Variants in RGS8 observed in about 807,000 individuals in gnomAD.
RGS8 encodes the protein regulator of G-protein signaling 8.
In RGS8, 8 loss-of-function variants were observed where a neutral mutation model predicts 21.7. That is an observed-to-expected ratio of 0.37 (90% confidence interval 0.22 to 0.66). The LOEUF (loss-of-function observed/expected upper bound fraction) is 0.66, where lower values mean the gene tolerates loss of function less well. RGS8 is among the 30% of genes least tolerant of loss of function. The pLI is 0.59. For missense variants in RGS8, 157 were observed against 217.9 expected (o/e 0.72, Z 1.76); for synonymous variants, 80 against 83.6 (o/e 0.96, Z 0.24).
At chr1:182,713,804 G>A in the RGS8 span, among the ~76,000 whole-genome samples, 1 of 152,144 alleles carries the variant, frequency 6.6e-6, no homozygotes, top group Non-Finnish European at 1.5e-5. Flanking sequence ...CCCCATCATT[G>A]CCTGTTTGAA....
intron 4 of RGS8, among the ~76,000 whole-genome samples, chr1:182,666,611 G>A (rs1255882900): frequency 6.6e-6 from 1 of 151,012 alleles, no homozygotes; most frequent in Non-Finnish European, 1.5e-5. Context: ...AGTATCCTTT[G>A]CCACCCACAG....
chr1:182,694,736 A>C, the RGS8 span, among the ~76,000 whole-genome samples: 1 of 151,732 alleles, frequency 6.6e-6, no homozygotes, highest in Non-Finnish European at 1.5e-5. Context: ...TGAACCCAGG[A>C]GACAGAGGTT....
chr1:182,714,655 G>A, the RGS8 span: 1 of 152,210 alleles, frequency 6.6e-6, no homozygotes, highest in African/African-American at 2.4e-5. Context: ...TGAGAAAAAT[G>A]GAATGAGTGA....
upstream of RGS8, among the ~76,000 whole-genome samples, chr1:182,676,442 T>A (rs1664360448): frequency 1.3e-5 from 2 of 152,182 alleles, no homozygotes; most frequent in Admixed American, 6.5e-5. Context: ...AGCTTCCTAG[T>A]AACAGTAGAA....
At chr1:182,694,280 T>G in the RGS8 span, among the ~76,000 whole-genome samples, 1 of 152,206 alleles carries the variant, frequency 6.6e-6, no homozygotes, top group Non-Finnish European at 1.5e-5. Context: ...AATACAGCTT[T>G]GCAAGCTAAC....
chr1:182,727,889 A>G, the RGS8 span, among the ~76,000 whole-genome samples: 32 of 152,340 alleles, frequency 2.1e-4, no homozygotes, highest in Middle Eastern at 3.4e-3. Flanking sequence ...TTACTCTTCA[A>G]TAACAAATGT....
chr1:182,651,871 C>T (rs1303984814), intron 5 of RGS8, among the ~76,000 whole-genome samples: 1 of 152,202 alleles, frequency 6.6e-6, no homozygotes, highest in African/African-American at 2.4e-5. Context: ...TTGAAGGAGA[C>T]CCAGTGCCCT....
the RGS8 span, among the ~76,000 whole-genome samples, chr1:182,719,744 A>G: frequency 6.6e-6 from 1 of 151,520 alleles, no homozygotes; most frequent in Non-Finnish European, 1.5e-5. Context: ...TCATTTACAT[A>G]GACTGGGGAG....
chr1:182,655,567 C>T (rs1034538945), intron 5 of RGS8, among the ~76,000 whole-genome samples: 5 of 152,184 alleles, frequency 3.3e-5, no homozygotes, highest in Non-Finnish European at 5.9e-5. Flanking sequence ...GAGGCAGAAG[C>T]TCCACGAGTC....
chr1:182,718,659 T>G, the RGS8 span, among the ~76,000 whole-genome samples: 8 of 152,202 alleles, frequency 5.3e-5, no homozygotes, highest in African/African-American at 1.9e-4. Context: ...TTAAGCAACA[T>G]GGAATCTAGA....
the RGS8 span, among the ~76,000 whole-genome samples, chr1:182,705,008 G>A: frequency 6.6e-6 from 1 of 152,128 alleles, no homozygotes; most frequent in African/African-American, 2.4e-5. Context: ...TATAGTAAGG[G>A]TAAGTACTGT....
downstream of RGS8, chr1:182,643,872 G>C (rs1055311065): frequency 6.6e-6 from 1 of 152,338 alleles, no homozygotes; most frequent in African/African-American, 2.4e-5. Flanking sequence ...CTCAGGGATG[G>C]AGAGCAATTC....
At position 182,646,926 on chromosome 1, in the gene RGS8, A is replaced by G; in HGVS notation, c.361-9T>C. On this transcript the variant is annotated splice_polypyrimidine_tract_variant and intron_variant, in intron 6 of 6. Transcript: ENST00000483095. ...TGGAAGTCAATGTTTACCTAGAGAT[A>G]CAAACAGAGAGCAAGGTCACAGGCC... The G allele has an allele frequency of 6.2e-7, 1 of 1,610,474 alleles. No homozygotes were observed. Among genetic ancestry groups the G allele is most frequent in the Non-Finnish European group, 8.5e-7 (1 of 1,178,932 alleles).
At chr1:182,731,079 C>G in the RGS8 span, among the ~76,000 whole-genome samples, 1 of 152,158 alleles carries the variant, frequency 6.6e-6, no homozygotes, top group African/African-American at 2.4e-5. Flanking sequence ...CTGTTCTCAC[C>G]TATAACTTGC....
the RGS8 span, among the ~76,000 whole-genome samples, chr1:182,750,465 C>T: frequency 6.6e-6 from 1 of 152,134 alleles, no homozygotes; most frequent in Non-Finnish European, 1.5e-5. Context: ...AAAAAATACC[C>T]TATGTCTTAG....
chr1:182,705,892 G>A, the RGS8 span, among the ~76,000 whole-genome samples: 2 of 152,204 alleles, frequency 1.3e-5, no homozygotes, highest in African/African-American at 4.8e-5. Context: ...GTATGGGGCA[G>A]AGGACATTGG....
chr1:182,724,201 GATATATATATATATATATATATATAT>G, the RGS8 span, among the ~76,000 whole-genome samples: 62 of 42,118 alleles, frequency 1.5e-3, no homozygotes, highest in East Asian at 3.8e-3. Context: ...GGCTAGACTG[GATATATATATATATATATATATATAT>G]ATATATATAT....
At chr1:182,741,327 C>T in the RGS8 span, among the ~76,000 whole-genome samples, 2 of 132,922 alleles carry the variant, frequency 1.5e-5, no homozygotes, top group African/African-American at 5.9e-5. Flanking sequence ...CCCCACCTCC[C>T]TCCCGGACGG....
the RGS8 span, among the ~76,000 whole-genome samples, chr1:182,727,641 T>C: frequency 2.0e-5 from 3 of 152,160 alleles, no homozygotes; most frequent in East Asian, 5.8e-4. Context: ...CAAATAATTC[T>C]ATAAAGATTA....
Sources: allele counts gnomAD v4.1 joint callset (sites outside exome capture counted in the v4.1 genomes callset), GRCh38; gene constraint gnomAD v4.1.1; transcripts MANE v1.5; gene names NCBI Gene and HGNC (gene_info 2026-07-23, HGNC 2026-07-21).